The following A1CF variants were observed in gnomAD, a reference collection of about 807,000 sequenced individuals.
A1CF encodes the protein APOBEC1 complementation factor, also known as APOBEC-1 stimulating protein.
A neutral mutation model predicts 68.9 loss-of-function variants in A1CF; 48 were observed. The ratio of observed to expected loss-of-function variants is 0.70; its 90% CI spans 0.55 to 0.89. The LOEUF (loss-of-function observed/expected upper bound fraction) is 0.89. Among genes scored for constraint, A1CF ranks in the 40% least tolerant of loss-of-function variants. The pLI is 0.00. For missense variants in A1CF, 653 were observed against 718.9 expected (o/e 0.91, Z 1.05); for synonymous variants, 272 against 260.4 (o/e 1.04, Z -0.43).
At chr10:50,842,127 G>A in intron 4 of A1CF, 135 bp from the exon 5 acceptor site, 1 of 723,816 alleles carries the variant, frequency 1.4e-6, no homozygotes, top group South Asian at 2.0e-5. Flanking sequence ...GTACTATTTG[G>A]CATTTGCATC....
chr10:50,816,190 C>T lies in A1CF; in HGVS notation c.957G>A (p.Arg319=). ...TATACTCTCCTTGCAGCATGGTGCC[C>T]CTTCCACCTGTGCCTCGGGTATACC... ...YVRYTRGTGG[R]GTMLQGEYTY... Residue 319 remains arginine (R), a synonymous_variant, in exon 9 of 13, where the codon AGG becomes AGA. Coordinates refer to ENST00000373997, the MANE Select transcript of A1CF (RefSeq NM_014576.4). The T allele has an allele frequency of 6.2e-7, 1 of 1,613,706 alleles. No homozygotes were observed. Among genetic ancestry groups the T allele is most frequent in the South Asian group, 1.1e-5 (1 of 91,060 alleles).
chr10:50,809,948 C>CA lies in A1CF; in HGVS notation c.1554dup (p.Asp519Ter). 2 of 1,614,044 alleles carry CA rather than the reference C, an allele frequency of 1.2e-6. No individual in the cohort carries two copies. The highest frequency in any genetic ancestry group is 1.7e-6 in the Non-Finnish European group (2 of 1,179,934). ...GTAGCCATGGTGCCATCGCCTCCATCAGTGGGGATGCCCAGGGTCTGCAGG... is the reference window on the plus strand; with the variant it reads ...GTAGCCATGGTGCCATCGCCTCCATCAAGTGGGGATGCCCAGGGTCTGCAGG... On this transcript the variant is annotated frameshift_variant, in exon 12 of 13. Transcript: ENST00000373997. LOFTEE classifies it high-confidence loss of function.
At chr10:50,836,620 A>T (rs1839507391) in intron 5 of A1CF, among the ~76,000 whole-genome samples, 1 of 151,528 alleles carries the variant, frequency 6.6e-6, no homozygotes, top group South Asian at 2.1e-4. Flanking sequence ...TACATGTGCC[A>T]TGTTGGTGTG....
chr10:50,850,759 G>A, intron 3 of A1CF: 3 of 1,614,148 alleles, frequency 1.9e-6, no homozygotes, highest in East Asian at 2.2e-5. Context: ...TTCTGGCTCT[G>A]GGCATGTGCC....
At chr10:50,832,788 CTT>C (rs1839311467) in intron 6 of A1CF, among the ~76,000 whole-genome samples, 1 of 152,000 alleles carries the variant, frequency 6.6e-6, no homozygotes, top group African/African-American at 2.4e-5. Context: ...ACACTCTCCT[CTT>C]AATAATTTTT....
intron 11 of A1CF, 29 bp downstream of exon 11, chr10:50,811,011 A>C (rs373111875): frequency 4.1e-5 from 65 of 1,598,906 alleles, no homozygotes; most frequent in Non-Finnish European, 5.4e-5. Flanking sequence ...CTGCTCTAAA[A>C]TGGTAAGGAA....
chr10:50,865,643 G>A (rs1305309000), intron 1 of A1CF, among the ~76,000 whole-genome samples: 2 of 152,196 alleles, frequency 1.3e-5, no homozygotes, highest in Admixed American at 6.5e-5. Context: ...GCCTTCCCAT[G>A]CTTTCTTACA....
rs186377337 is a variant in A1CF at position 50,858,935 on chromosome 10, G to A, written c.99+907C>T. On this transcript the variant is annotated intron_variant, in intron 3 of 12. Coordinates refer to ENST00000373997, the MANE Select transcript of A1CF (RefSeq NM_014576.4). ...AATAACTATTACTATGTCTAACAAA[G>A]CATGCCATGATTTATAAAATTAATT... is the stretch of plus-strand genomic sequence containing the variant. Among the ~76,000 whole-genome samples, 9 of 152,064 alleles carry A rather than the reference G, an allele frequency of 5.9e-5. No individual in the cohort carries two copies. In the East Asian group the frequency reaches 1.7e-3, roughly 29 times the overall value.
At chr10:50,857,976 T>C (rs1412755290) in intron 3 of A1CF, among the ~76,000 whole-genome samples, 1 of 152,204 alleles carries the variant, frequency 6.6e-6, no homozygotes, top group African/African-American at 2.4e-5. Context: ...GAGAGCCCAA[T>C]GAAGGTAGCT....
intron 1 of A1CF, among the ~76,000 whole-genome samples, 167 bp downstream of exon 1, chr10:50,885,414 T>A (rs567657872): frequency 4.9e-4 from 74 of 152,316 alleles, no homozygotes; most frequent in Non-Finnish European, 9.3e-4. Flanking sequence ...CAATATATTC[T>A]TTTGTTTTCT....
intron 8 of A1CF, among the ~76,000 whole-genome samples, chr10:50,817,416 A>C (rs890641999): frequency 1.3e-5 from 2 of 152,166 alleles, no homozygotes; most frequent in African/African-American, 4.8e-5. Flanking sequence ...CTTGTGCTTC[A>C]TGGTCATCCT....
At chr10:50,812,238 G>A (rs192154417) in intron 10 of A1CF, among the ~76,000 whole-genome samples, 32 of 152,274 alleles carry the variant, frequency 2.1e-4, no homozygotes, top group Admixed American at 1.4e-3. Context: ...AAACCTGGGC[G>A]GAAGGAACAC....
chr10:50,883,820 T>C (rs1197578728), intron 1 of A1CF, among the ~76,000 whole-genome samples: 1 of 152,190 alleles, frequency 6.6e-6, no homozygotes, highest in African/African-American at 2.4e-5. Flanking sequence ...GGGCTCTGGA[T>C]CAGACTACCA....
intron 6 of A1CF, among the ~76,000 whole-genome samples, chr10:50,829,383 C>A (rs934076855): frequency 3.9e-5 from 6 of 152,012 alleles, no homozygotes; most frequent in Admixed American, 6.6e-5. Flanking sequence ...AAACTTTATC[C>A]CGTAAGCAAT....
chr10:50,857,776 A>G (rs1433138835), intron 3 of A1CF, among the ~76,000 whole-genome samples: 1 of 152,066 alleles, frequency 6.6e-6, no homozygotes, highest in Admixed American at 6.6e-5. Flanking sequence ...GTGTCACCTC[A>G]ATTTCCAGAT....
At chr10:50,814,167 A>T (rs1006174094) in intron 9 of A1CF, 129 bp from the exon 10 acceptor site, 21 of 949,578 alleles carry the variant, frequency 2.2e-5, no homozygotes, top group Middle Eastern at 3.3e-4. Flanking sequence ...TATTGCCCTG[A>T]AGATGGGTGG....
intron 9 of A1CF, among the ~76,000 whole-genome samples, chr10:50,814,312 A>G (rs934681518): frequency 5.9e-5 from 9 of 152,178 alleles, no homozygotes; most frequent in Admixed American, 2.6e-4. Context: ...AAGTACACAA[A>G]CAACTTAAAA....
At chr10:50,854,831 C>T (rs867564965) in intron 3 of A1CF, among the ~76,000 whole-genome samples, 5 of 151,740 alleles carry the variant, frequency 3.3e-5, no homozygotes, top group Admixed American at 1.3e-4. Flanking sequence ...CATTGGTTTA[C>T]GAAAGCAAGG....
intron 5 of A1CF, among the ~76,000 whole-genome samples, chr10:50,837,849 C>T (rs915272472): frequency 2.6e-5 from 4 of 152,052 alleles, no homozygotes; most frequent in African/African-American, 9.7e-5. Context: ...TTTAAAAAAA[C>T]AGTTCACAAT....
Sources: gnomAD v4.1 joint callset for allele counts (sites outside exome capture counted in the v4.1 genomes callset) on GRCh38, gnomAD v4.1.1 for gene constraint, MANE v1.5 for transcripts, NCBI Gene and HGNC (gene_info 2026-07-23, HGNC 2026-07-21) for gene names.